NBAS: variants seen among roughly 807,000 people sequenced by gnomAD.
The protein encoded by NBAS is NAG/BC035112 fusion.
NBAS carries 219 observed loss-of-function variants against 302.5 expected under a neutral mutation model. The ratio of observed to expected loss-of-function variants is 0.72; its 90% CI spans 0.65 to 0.81. The LOEUF is 0.81. NBAS is among the 30% of genes least tolerant of loss of function. NBAS has a pLI of 0.00. For synonymous variants in NBAS, 1,118 were observed against 1,021.6 expected (o/e 1.09, Z -1.80); for missense variants, 2,932 against 2,841.6 (o/e 1.03, Z -0.72).
the NBAS span, among the ~76,000 whole-genome samples, chr2:14,995,209 C>G: frequency 8.5e-5 from 13 of 152,248 alleles, no homozygotes; most frequent in South Asian, 8.3e-4. Context: ...ATCCCTCCCC[C>G]CTGCCCCCAC....
intron 18 of NBAS, 124 bp from the exon 19 acceptor site, chr2:15,467,531 G>A: frequency 7.8e-7 from 1 of 1,276,978 alleles, no homozygotes; most frequent in South Asian, 1.2e-5. Flanking sequence ...AAAAGCACAA[G>A]GGTAAGATAA....
chr2:14,927,560 C>G, the NBAS span, among the ~76,000 whole-genome samples: 1 of 152,152 alleles, frequency 6.6e-6, no homozygotes, highest in African/African-American at 2.4e-5. Context: ...GCTTTCAGTT[C>G]TTTTGGGTGT....
the NBAS span, among the ~76,000 whole-genome samples, chr2:14,783,718 C>T: frequency 6.6e-6 from 1 of 151,868 alleles, no homozygotes; most frequent in African/African-American, 2.4e-5. Context: ...TCCAGTCTAT[C>T]ATTGTTGGAC....
the NBAS span, among the ~76,000 whole-genome samples, chr2:14,800,523 A>T: frequency 1.7e-4 from 26 of 152,136 alleles, no homozygotes; most frequent in African/African-American, 6.0e-4. Flanking sequence ...ACTAATATGC[A>T]TGTTATACTT....
chr2:15,398,192 G>A (rs992292863), intron 26 of NBAS, among the ~76,000 whole-genome samples: 1 of 152,038 alleles, frequency 6.6e-6, no homozygotes, highest in Non-Finnish European at 1.5e-5. Context: ...CACCTAGGCT[G>A]GAATGCAGTG....
At chr2:15,152,058 C>A in the NBAS span, among the ~76,000 whole-genome samples, 4 of 152,106 alleles carry the variant, frequency 2.6e-5, no homozygotes, top group Admixed American at 6.5e-5. Context: ...CCATGGTGGC[C>A]AGGCTGGTTT....
At chr2:15,246,861 T>C (rs762696304) in intron 44 of NBAS, among the ~76,000 whole-genome samples, 1 of 152,282 alleles carries the variant, frequency 6.6e-6, no homozygotes, top group Middle Eastern at 3.4e-3. Flanking sequence ...CAAAGTCTAG[T>C]TGTAAATACG....
At chr2:15,044,547 G>C in the NBAS span, among the ~76,000 whole-genome samples, 1 of 152,194 alleles carries the variant, frequency 6.6e-6, no homozygotes, top group Admixed American at 6.5e-5. Flanking sequence ...AGAATGTCAG[G>C]GTTCTTTCCT....
At chr2:14,936,006 C>T in the NBAS span, among the ~76,000 whole-genome samples, 2 of 152,178 alleles carry the variant, frequency 1.3e-5, no homozygotes, top group African/African-American at 4.8e-5. Context: ...AAAATAGTTC[C>T]AATGAAAGCA....
At chr2:15,305,114 AGAAT>A (rs1311166650) in intron 40 of NBAS, among the ~76,000 whole-genome samples, 1 of 152,186 alleles carries the variant, frequency 6.6e-6, no homozygotes, top group Non-Finnish European at 1.5e-5. Context: ...GGCCAGAGGC[AGAAT>A]GATATGATTA....
In NBAS at chr2:15,534,542, C is replaced by T. The variant is rs759510080; in HGVS notation, c.746+1G>A. On this transcript the variant is annotated splice_donor_variant, in intron 9 of 51. Coordinates refer to ENST00000281513, the MANE Select transcript of NBAS (RefSeq NM_015909.4). LOFTEE classifies it high-confidence loss of function. ...AAATATGAGAACAAATGGTTACTTA[C>T]CTGTGACCAGGGTGGTAAATAGCTG... 6.3e-7 allele frequency: 1 copy of T among 1,591,028 alleles called. No individual in the cohort carries two copies. Among genetic ancestry groups the T allele is most frequent in the South Asian group, 1.1e-5 (1 of 90,710 alleles).
the NBAS span, among the ~76,000 whole-genome samples, chr2:14,816,338 T>C: frequency 6.6e-6 from 1 of 152,220 alleles, no homozygotes; most frequent in African/African-American, 2.4e-5. Context: ...GAACTATGCA[T>C]CTGAGGGATC....
In NBAS at chr2:15,232,525, G is replaced by A; in HGVS notation, c.6147-14C>T. Reference sequence around the variant, plus strand: ...GCACTGCCACCACTGTGAAAAGAGAGATAAACTGATTCAGAAAAGGATCAC... The same window carrying A: ...GCACTGCCACCACTGTGAAAAGAGAAATAAACTGATTCAGAAAAGGATCAC... On this transcript the variant is annotated splice_polypyrimidine_tract_variant and intron_variant, in intron 46 of 51. Transcript: ENST00000281513. 6.2e-7 allele frequency: 1 copy of A among 1,607,716 alleles called. No individual in the cohort carries two copies. Among genetic ancestry groups the A allele is most frequent in the Non-Finnish European group, 8.5e-7 (1 of 1,175,392 alleles).
rs577555968 is a variant in NBAS at position 15,383,820 on chromosome 2, G to A, written c.3258-503C>T. 8.1e-4 allele frequency among the ~76,000 whole-genome samples: 124 copies of A among 152,184 alleles called. 1 individual carries two copies. Among genetic ancestry groups the A allele is most frequent in the African/African-American group, 2.8e-3 (115 of 41,536 alleles). On this transcript the variant is annotated intron_variant, in intron 28 of 51. Transcript: ENST00000281513. ...CATCAGTCTGGGGGACAAGAATCGC[G>A]GCTCACCAGCAGGGCAGCATCAGTT...
At chr2:15,010,126 T>A in the NBAS span, among the ~76,000 whole-genome samples, 4 of 152,160 alleles carry the variant, frequency 2.6e-5, no homozygotes, top group African/African-American at 4.8e-5. Context: ...ATTCTCTTTT[T>A]ATAGTGAGTC....
intron 9 of NBAS, among the ~76,000 whole-genome samples, chr2:15,516,674 G>T (rs1368190693): frequency 1.4e-5 from 2 of 148,086 alleles, no homozygotes; most frequent in Non-Finnish European, 3.0e-5. Context: ...AGTGAGCCGA[G>T]ATCGCTCCAC....
At position 15,249,788 on chromosome 2, in the gene NBAS, C is replaced by A. The variant is rs1668276980; in HGVS notation, c.5725-11102G>T. ...GGCCTCTTCAAGGAGAACTACAAAC[C>A]ACTGCTCAGGAAATAAGGGAGGACA... On this transcript the variant is annotated intron_variant, in intron 44 of 51. Coordinates refer to ENST00000281513, the MANE Select transcript of NBAS (RefSeq NM_015909.4). 2.0e-5 allele frequency among the ~76,000 whole-genome samples: 3 copies of A among 151,950 alleles called. 1 individual carries two copies. Among genetic ancestry groups the A allele is most frequent in the Admixed American group, 6.5e-5 (1 of 15,268 alleles).
chr2:15,397,613 C>T (rs1435292483), intron 26 of NBAS: 5 of 597,396 alleles, frequency 8.4e-6, no homozygotes, highest in Non-Finnish European at 1.5e-5. Flanking sequence ...TTCAAAGACG[C>T]TCGCTTCAGA....
the NBAS span, among the ~76,000 whole-genome samples, chr2:14,917,745 A>G: frequency 1.5e-3 from 227 of 152,304 alleles, no homozygotes; most frequent in African/African-American, 4.6e-3. Flanking sequence ...GGCCTCTTGC[A>G]AAGTATCTGT....
Sources: allele counts gnomAD v4.1 joint callset (sites outside exome capture counted in the v4.1 genomes callset), GRCh38; gene constraint gnomAD v4.1.1; transcripts MANE v1.5; gene names NCBI Gene and HGNC (gene_info 2026-07-23, HGNC 2026-07-21).